ZNF334: variants seen among roughly 807,000 people sequenced by gnomAD.
The protein encoded by ZNF334 is zinc finger protein 334.
In ZNF334, 14 loss-of-function variants were observed where a neutral mutation model predicts 12.4. The ratio of observed to expected loss-of-function variants is 1.13; its 90% CI spans 0.74 to 1.76. The LOEUF is 1.76. ZNF334 is among the 40% of genes most tolerant of loss of function. The pLI is 0.00. For missense variants in ZNF334, 797 were observed against 804.5 expected (o/e 0.99, Z 0.11); for synonymous variants, 273 against 269.6 (o/e 1.01, Z -0.12).
chr20:46,488,116 A>C, the ZNF334 span, among the ~76,000 whole-genome samples: 1 of 152,014 alleles, frequency 6.6e-6, no homozygotes, highest in Non-Finnish European at 1.5e-5. Context: ...TTATTTTTAC[A>C]TTTACTGTGA....
chr20:46,501,876 T>C lies in ZNF334; in HGVS notation c.1463A>G (p.His488Arg), dbSNP rs750375725. 1.9e-6 allele frequency: 3 copies of C among 1,610,560 alleles called. No homozygotes were observed. The African/African-American group carries it at 4.1e-5, about 22-fold the overall frequency. The change falls in exon 5 of 5, where the codon CAT becomes CGT. Residue 488 changes from histidine (H) to arginine (R), a missense_variant. His to Arg is a conservative substitution (Grantham distance 29). Transcript: ENST00000692313. Reference protein sequence around the residue: ...IHQRTHTGEKHGVFNKCGRIS... With the variant: ...IHQRTHTGEKRGVFNKCGRIS... Reference sequence around the variant, plus strand: ...TCTACCACATTTATTAAACACACCATGTTTCTCTCCTGTGTGTGTTCTCTG... The same window carrying C: ...TCTACCACATTTATTAAACACACCACGTTTCTCTCCTGTGTGTGTTCTCTG...
intron 4 of ZNF334, 45 bp from the exon 5 acceptor site, chr20:46,503,142 T>C (rs1371127460): frequency 1.3e-5 from 20 of 1,520,448 alleles, no homozygotes; most frequent in Non-Finnish European, 1.8e-5. Flanking sequence ...AGCCTTTATA[T>C]GTTTGCTATG....
At chr20:46,483,735 C>T in the ZNF334 span, among the ~76,000 whole-genome samples, 1 of 152,092 alleles carries the variant, frequency 6.6e-6, no homozygotes, top group South Asian at 2.1e-4. Context: ...CATTCCTAAC[C>T]CACTTGAATT....
At chr20:46,473,039 T>C in the ZNF334 span, among the ~76,000 whole-genome samples, 1 of 152,276 alleles carries the variant, frequency 6.6e-6, no homozygotes, top group African/African-American at 2.4e-5. Context: ...TCATATTTTC[T>C]ATCTCTTTCT....
At chr20:46,480,816 C>T in the ZNF334 span, among the ~76,000 whole-genome samples, 1 of 152,116 alleles carries the variant, frequency 6.6e-6, no homozygotes, top group South Asian at 2.1e-4. Flanking sequence ...TGAGTTCAAG[C>T]TCTGTTTCAC....
chr20:46,504,347 G>T, intron 3 of ZNF334, 41 bp from the exon 4 acceptor site: 1 of 1,513,188 alleles, frequency 6.6e-7, no homozygotes, highest in Non-Finnish European at 9.2e-7. Context: ...AAGATCTTTG[G>T]ACATCAGAGA....
At chr20:46,507,075 C>T (rs1011441350) in intron 2 of ZNF334, among the ~76,000 whole-genome samples, 2 of 151,734 alleles carry the variant, frequency 1.3e-5, no homozygotes, top group African/African-American at 4.8e-5. Flanking sequence ...GATTGCACCA[C>T]TGCACTCCAG....
chr20:46,482,562 C>G, the ZNF334 span, among the ~76,000 whole-genome samples: 3 of 152,122 alleles, frequency 2.0e-5, no homozygotes, highest in Non-Finnish European at 4.4e-5. Flanking sequence ...TTTAACAATG[C>G]AGATGAATAA....
the ZNF334 span, among the ~76,000 whole-genome samples, chr20:46,488,923 T>C: frequency 6.6e-6 from 1 of 152,020 alleles, no homozygotes; most frequent in Non-Finnish European, 1.5e-5. Flanking sequence ...AACGTCTTTT[T>C]CCCCCCTCTG....
At chr20:46,509,853 AAAGT>A in intron 2 of ZNF334, 1 of 596,450 alleles carries the variant, frequency 1.7e-6, no homozygotes, top group South Asian at 2.0e-5. Context: ...AGCTCCTAAG[AAAGT>A]ATGTTCTGTA....
rs1427216402 is a variant in ZNF334 at position 46,500,393 on chromosome 20, G to C, written c.*903C>G. The C allele has an allele frequency of 6.6e-6, 1 of 152,168 alleles. No individual in the cohort carries two copies. Among genetic ancestry groups the C allele is most frequent in the Non-Finnish European group, 1.5e-5 (1 of 68,030 alleles). 9.4% of individuals were successfully genotyped at this position (152,168 alleles called of 1,614,324 possible). A position where few individuals can be genotyped will look rare whatever the true frequency, so the allele number is the denominator to read the frequency against. On this transcript the variant is annotated 3_prime_UTR_variant, in exon 5 of 5. Coordinates refer to ENST00000692313, the MANE Select transcript of ZNF334 (RefSeq NM_001353824.2). The stretch of plus-strand genomic sequence containing the variant: ...CAGGCGCCTTTTGTTCTCAGAATTT[G>C]ATCAGTGACTTCTAAACAATACCTC...
chr20:46,504,147 A>G, intron 4 of ZNF334, 67 bp downstream of exon 4: 1 of 1,124,750 alleles, frequency 8.9e-7, no homozygotes, highest in Non-Finnish European at 1.3e-6. Context: ...GATGCCAACT[A>G]TTACCACCGA....
Position 46,501,990 on chromosome 20 carries a change from G to C in ZNF334, c.1349C>G (p.Ala450Gly). The C allele has an allele frequency of 6.2e-7, 1 of 1,613,926 alleles. No homozygotes were observed. The highest frequency in any genetic ancestry group is 8.5e-7 in the Non-Finnish European group (1 of 1,180,012). Residue 450 changes from alanine to glycine, a missense_variant, in exon 5 of 5, where the codon GCA (alanine) becomes GGA (glycine). Coordinates refer to ENST00000692313, the MANE Select transcript of ZNF334 (RefSeq NM_001353824.2). ...CTTTCCTCTATGAGTTATCTGATGTGCAATGAGGGCTGATTTCGTACATAA... is the reference window on the plus strand; with the variant it reads ...CTTTCCTCTATGAGTTATCTGATGTCCAATGAGGGCTGATTTCGTACATAA... Reference protein sequence around the residue: ...KFLCTKSALIAHQITHRGKKS... With the variant: ...KFLCTKSALIGHQITHRGKKS...
At chr20:46,474,499 AC>A in the ZNF334 span, 4 of 152,192 alleles carry the variant, frequency 2.6e-5, no homozygotes, top group Non-Finnish European at 5.9e-5. Context: ...GTATATACTC[AC>A]CTATATCCAG....
At chr20:46,472,591 C>CT in the ZNF334 span, among the ~76,000 whole-genome samples, 1 of 152,116 alleles carries the variant, frequency 6.6e-6, no homozygotes, top group African/African-American at 2.4e-5. Flanking sequence ...CTAGGACGGC[C>CT]TAAATAGCTC....
the ZNF334 span, chr20:46,464,291 T>G: frequency 1.8e-6 from 1 of 554,572 alleles, no homozygotes; most frequent in Non-Finnish European, 3.6e-6. Flanking sequence ...CGCCTGGTAC[T>G]CACTGGGAAT....
At chr20:46,511,549 A>C (rs1471212388) in intron 2 of ZNF334, among the ~76,000 whole-genome samples, 1 of 152,252 alleles carries the variant, frequency 6.6e-6, no homozygotes, top group Non-Finnish European at 1.5e-5. Flanking sequence ...AACTTGTTTT[A>C]TAAGTATAGC....
At chr20:46,509,958 C>A (rs1330027100) in intron 2 of ZNF334, among the ~76,000 whole-genome samples, 6 of 152,158 alleles carry the variant, frequency 3.9e-5, no homozygotes, top group Admixed American at 6.5e-5. Flanking sequence ...CACATGAGCT[C>A]CATGAGGACA....
Position 46,504,620 on chromosome 20 carries a change from A to G in ZNF334, c.142T>C (p.Ser48Pro), listed in dbSNP as rs766430405. ...ACAGGGAAATAGTCCTTACCCACAGAGACCAAGTTGCTGTAGTTCTCCAGC... is the reference window on the plus strand; with the variant it reads ...ACAGGGAAATAGTCCTTACCCACAGGGACCAAGTTGCTGTAGTTCTCCAGC... ...VMLENYSNLV[S>P]VGYHVSKPDV... Residue 48 changes from serine (S) to proline (P), a missense_variant, in exon 3 of 5, where the codon TCT becomes CCT. Transcript: ENST00000692313. 2.6e-5 allele frequency: 41 copies of G among 1,599,416 alleles called. No homozygotes were observed. Among genetic ancestry groups the G allele is most frequent in the Non-Finnish European group, 3.2e-5 (38 of 1,175,342 alleles).
Sources: allele counts gnomAD v4.1 joint callset (sites outside exome capture counted in the v4.1 genomes callset), GRCh38; gene constraint gnomAD v4.1.1; transcripts MANE v1.5; gene names NCBI Gene and HGNC (gene_info 2026-07-23, HGNC 2026-07-21).